The following ATP8A1 variants were observed in gnomAD, a reference collection of about 807,000 sequenced individuals.
The protein encoded by ATP8A1 is ATPase phospholipid transporting 8A1, also known as phospholipid-transporting ATPase IA.
In ATP8A1, 90 loss-of-function variants were observed where a neutral mutation model predicts 177.7. The observed-to-expected ratio is 0.51, with a 90% CI of 0.43 to 0.60. The LOEUF (loss-of-function observed/expected upper bound fraction) is 0.60. Ranked by LOEUF, ATP8A1 falls within the 20% of genes least tolerant of loss-of-function variation. The pLI is 0.00. For missense variants in ATP8A1, 1,072 were observed against 1,392.8 expected, an observed-to-expected ratio of 0.77 and a Z score of 3.67; for synonymous variants, 493 against 485.9, an observed-to-expected ratio of 1.01 and a Z score of -0.19.
At position 42,552,560 on chromosome 4, in the gene ATP8A1, G is replaced by A. The variant is rs554799362; in HGVS notation, c.1464C>T (p.His488=). ...CACCTTCTCGCTCTGGCACTGCTGTGTGACAGACTGCCATCATTGTAAGAA... is the reference window on the plus strand; with the variant it reads ...CACCTTCTCGCTCTGGCACTGCTGTATGACAGACTGCCATCATTGTAAGAA... The part of the protein sequence containing the change: ...CEFLTMMAVC[H]TAVPEREGDK... The change falls in exon 17 of 37, where the codon CAC becomes CAT. Residue 488 remains histidine, a synonymous_variant. Transcript: ENST00000381668. The A allele has an allele frequency of 3.1e-6, 5 of 1,613,668 alleles. No homozygotes were observed. In the Admixed American group the frequency reaches 5.0e-5, roughly 16 times the overall value.
chr4:42,461,140 G>A (rs564406067), intron 27 of ATP8A1, among the ~76,000 whole-genome samples: 2 of 152,046 alleles, frequency 1.3e-5, no homozygotes, highest in East Asian at 3.9e-4. Flanking sequence ...TTAGGATGAA[G>A]GATGTAAAAT....
At chr4:42,517,534 G>A (rs1189146795) in intron 22 of ATP8A1, among the ~76,000 whole-genome samples, 5 of 152,264 alleles carry the variant, frequency 3.3e-5, no homozygotes, top group South Asian at 2.1e-4. Context: ...GCAATTCTTC[G>A]CAAAGTGAGT....
At chr4:42,631,216 CT>C (rs1738696945) in intron 1 of ATP8A1, among the ~76,000 whole-genome samples, 1 of 152,108 alleles carries the variant, frequency 6.6e-6, no homozygotes, top group Non-Finnish European at 1.5e-5. Context: ...CCTATTATAC[CT>C]CTGGTTCATA....
intron 5 of ATP8A1, among the ~76,000 whole-genome samples, chr4:42,601,225 A>G (rs1046427641): frequency 2.0e-5 from 3 of 151,866 alleles, no homozygotes; most frequent in Non-Finnish European, 4.4e-5. Context: ...TAGTAGAGAC[A>G]GCATTTCATC....
intron 25 of ATP8A1, among the ~76,000 whole-genome samples, chr4:42,473,878 T>A (rs915431966): frequency 3.3e-5 from 5 of 150,664 alleles, no homozygotes; most frequent in African/African-American, 1.2e-4. Flanking sequence ...GGTCTCGAAC[T>A]CCTGGCCTCA....
intron 9 of ATP8A1, among the ~76,000 whole-genome samples, chr4:42,585,022 C>T (rs1029231151): frequency 6.6e-6 from 1 of 152,170 alleles, no homozygotes; most frequent in South Asian, 2.1e-4. Context: ...ACTGCCCTAA[C>T]ATTCCACAAT....
chr4:42,633,179 A>T (rs1014387432), intron 1 of ATP8A1, among the ~76,000 whole-genome samples: 9 of 152,226 alleles, frequency 5.9e-5, no homozygotes, highest in African/African-American at 1.9e-4. Flanking sequence ...GCCAACAACT[A>T]CCTGGCACCT....
intron 27 of ATP8A1, among the ~76,000 whole-genome samples, chr4:42,457,672 G>A (rs1303849881): frequency 6.6e-6 from 1 of 152,200 alleles, no homozygotes; most frequent in Non-Finnish European, 1.5e-5. Flanking sequence ...GCAAACATTA[G>A]TAAATACGAA....
chr4:42,508,574 C>T (rs144060264), intron 22 of ATP8A1, among the ~76,000 whole-genome samples: 80 of 152,296 alleles, frequency 5.3e-4, no homozygotes, highest in African/African-American at 1.9e-3. Flanking sequence ...GTCCTAAATA[C>T]ATAAGAATGT....
intron 25 of ATP8A1, chr4:42,472,400 TCA>T (rs1720526520): frequency 3.7e-6 from 1 of 273,580 alleles, no homozygotes. Flanking sequence ...GCTAGTAAAT[TCA>T]CAGTTAAAAA....
At chr4:42,583,688 C>T (rs1733334488) in intron 9 of ATP8A1, among the ~76,000 whole-genome samples, 1 of 152,146 alleles carries the variant, frequency 6.6e-6, no homozygotes, top group African/African-American at 2.4e-5. Flanking sequence ...ATACTCATTC[C>T]AAAGGGTCTC....
chr4:42,656,721 C>G, intron 1 of ATP8A1, 104 bp downstream of exon 1: 2 of 1,312,300 alleles, frequency 1.5e-6, no homozygotes, highest in Non-Finnish European at 1.0e-6. Flanking sequence ...GGACTGCCGC[C>G]GGGGAAGAGG....
intron 4 of ATP8A1, among the ~76,000 whole-genome samples, chr4:42,620,773 C>G (rs529732135): frequency 6.6e-6 from 1 of 152,264 alleles, no homozygotes; most frequent in Admixed American, 6.5e-5. Flanking sequence ...TAAGTACAAC[C>G]TAGAAGCACA....
intron 3 of ATP8A1, chr4:42,625,373 AC>A (rs1737950824): frequency 3.1e-6 from 1 of 318,770 alleles, no homozygotes; most frequent in Non-Finnish European, 5.8e-6. Flanking sequence ...CATCCCCTTT[AC>A]CACCCAAAAT....
chr4:42,534,830 A>G (rs969710080), intron 20 of ATP8A1, among the ~76,000 whole-genome samples: 43 of 152,224 alleles, frequency 2.8e-4, no homozygotes, highest in African/African-American at 9.9e-4. Context: ...AAACCCTGCA[A>G]GTTAGAAGGA....
intron 20 of ATP8A1, 62 bp from the exon 21 acceptor site, chr4:42,524,909 G>C: frequency 9.0e-7 from 1 of 1,105,984 alleles, no homozygotes; most frequent in Non-Finnish European, 1.3e-6. Flanking sequence ...TAAAGTTGAT[G>C]TTGGTAACAA....
chr4:42,450,516 C>A (rs187597698), intron 30 of ATP8A1, among the ~76,000 whole-genome samples: 103 of 152,308 alleles, frequency 6.8e-4, no homozygotes, highest in Non-Finnish European at 1.2e-3. Flanking sequence ...AAGCAACAAA[C>A]TAACTCACTG....
intron 18 of ATP8A1, 92 bp downstream of exon 18, chr4:42,551,106 T>C: frequency 4.6e-6 from 5 of 1,082,618 alleles, no homozygotes; most frequent in Non-Finnish European, 5.6e-6. Flanking sequence ...GGAACCTCTA[T>C]TTTACTATGA....
chr4:42,625,226 T>C (rs967065763), intron 3 of ATP8A1: 1 of 156,068 alleles, frequency 6.4e-6, no homozygotes, highest in African/African-American at 2.4e-5. Context: ...TTCAATATGC[T>C]ACTTTTTAAT....
Sources: allele counts gnomAD v4.1 joint callset (sites outside exome capture counted in the v4.1 genomes callset), GRCh38; gene constraint gnomAD v4.1.1; transcripts MANE v1.5; gene names NCBI Gene and HGNC (gene_info 2026-07-23, HGNC 2026-07-21).